SCN9A: variants seen among roughly 807,000 people sequenced by gnomAD.
The protein encoded by SCN9A is sodium channel protein type 9 subunit alpha.
In SCN9A, 131 loss-of-function variants were observed where a neutral mutation model predicts 187.0. That is an observed-to-expected ratio of 0.70 (90% CI 0.61 to 0.81). SCN9A has a LOEUF of 0.81. Ranked by LOEUF, SCN9A falls within the 30% of genes least tolerant of loss-of-function variation. The pLI, the probability that SCN9A is intolerant of heterozygous loss-of-function variation, is 0.00. For missense variants in SCN9A, 2,252 were observed against 2,396.6 expected (o/e 0.94, Z 1.26); for synonymous variants, 809 against 808.6 (o/e 1.00, Z -0.01).
intron 18 of SCN9A, among the ~76,000 whole-genome samples, chr2:166,246,561 GA>G (rs1695798801): frequency 1.3e-5 from 2 of 151,656 alleles, no homozygotes; most frequent in African/African-American, 2.4e-5. Flanking sequence ...CAGAGAGAGC[GA>G]AAAAAATGAG....
At position 166,204,342 on chromosome 2, in the gene SCN9A, A is replaced by G; in HGVS notation, c.4503+18T>C. 6.3e-7 allele frequency: 1 copy of G among 1,580,534 alleles called. No homozygotes were observed. Among genetic ancestry groups the G allele is most frequent in the Non-Finnish European group, 8.7e-7 (1 of 1,154,306 alleles). On this transcript the variant is annotated intron_variant, in intron 25 of 26. Coordinates refer to ENST00000642356, the MANE Select transcript of SCN9A (RefSeq NM_001365536.1). ...TAATTTGAAAATCTATATGCTAAAG[A>G]TATATATATTTTTTTACCCCTGGTC...
intron 1 of SCN9A, among the ~76,000 whole-genome samples, chr2:166,323,837 AT>A (rs923586423): frequency 1.3e-5 from 2 of 152,010 alleles, no homozygotes; most frequent in Admixed American, 6.6e-5. Context: ...TCTCTTAAAA[AT>A]ATCTCCCAGA....
chr2:166,304,558 T>C (rs1698688287), intron 5 of SCN9A, among the ~76,000 whole-genome samples: 1 of 152,148 alleles, frequency 6.6e-6, no homozygotes, highest in Non-Finnish European at 1.5e-5. Flanking sequence ...TACACTTAAA[T>C]GCGTAAACAA....
chr2:166,302,900 G>A, intron 7 of SCN9A, 190 bp downstream of exon 7: 1 of 530,618 alleles, frequency 1.9e-6, no homozygotes, highest in East Asian at 3.3e-5. Context: ...TGCCAGTACT[G>A]CTAGATAGCT....
Position 166,199,484 on chromosome 2 carries a change from T to C in SCN9A, c.5155A>G (p.Lys1719Glu). 6.2e-7 allele frequency: 1 copy of C among 1,614,202 alleles called. No homozygotes were observed. The highest frequency in any genetic ancestry group is 8.5e-7 in the Non-Finnish European group (1 of 1,180,040). The stretch of plus-strand genomic sequence containing the variant: ...TCAACTGAACTTCCAGGATGAACTT[T>C]TTTTGGGTCACAGTCGGGTGGCTTA... Reference protein sequence around the residue: ...NSKPPDCDPKKVHPGSSVEGD... With the variant: ...NSKPPDCDPKEVHPGSSVEGD... The change falls in exon 27 of 27, where the codon AAA (lysine) becomes GAA (glutamate). Residue 1719 changes from lysine to glutamate, a missense_variant. By Grantham distance (56) the Lys-to-Glu change is moderately conservative. Transcript: ENST00000642356.
rs55892140 is a variant in SCN9A at position 166,294,877 on chromosome 2, C to T, written c.902-215G>A. On this transcript the variant is annotated intron_variant, in intron 7 of 26. Coordinates refer to ENST00000642356, the MANE Select transcript of SCN9A (RefSeq NM_001365536.1). ...TAGGCAATAAACATGACAATAAACA[C>T]GATAAATAAAATCATTAGTTTTATG... The T allele has an allele frequency of 5.8e-3, 2,274 of 393,430 alleles. 16 individuals carry two copies. The highest frequency in any genetic ancestry group is 7.5e-3 in the Non-Finnish European group (1,658 of 220,962). The allele number at this position is 393,430 out of a possible 1,614,324, so 24.4% of individuals were successfully genotyped here.
chr2:166,242,939 C>A (rs1420381672), intron 18 of SCN9A, among the ~76,000 whole-genome samples: 1 of 152,066 alleles, frequency 6.6e-6, no homozygotes, highest in African/African-American at 2.4e-5. Context: ...CTTTAAACCA[C>A]TTTCATTTTA....
chr2:166,263,028 G>T (rs1188973609), intron 17 of SCN9A, among the ~76,000 whole-genome samples: 1 of 151,926 alleles, frequency 6.6e-6, no homozygotes, highest in Non-Finnish European at 1.5e-5. Flanking sequence ...CCCTCTTTGG[G>T]CCTTATCGTG....
chr2:166,240,603 T>C (rs1463838111), intron 19 of SCN9A, among the ~76,000 whole-genome samples: 2 of 152,218 alleles, frequency 1.3e-5, no homozygotes, highest in East Asian at 1.9e-4. Flanking sequence ...TTACTAGGAA[T>C]ACATTGCATG....
chr2:166,200,426 T>TAATA (rs1183240346), intron 26 of SCN9A, among the ~76,000 whole-genome samples: 2 of 152,168 alleles, frequency 1.3e-5, no homozygotes, highest in Non-Finnish European at 2.9e-5. Flanking sequence ...TTTCCCTCCA[T>TAATA]AATAGTGTTT....
chr2:166,290,856 G>T (rs185235421), intron 9 of SCN9A, among the ~76,000 whole-genome samples: 87 of 152,156 alleles, frequency 5.7e-4, no homozygotes, highest in Non-Finnish European at 1.1e-3. Context: ...TAGATGCAGA[G>T]AAGGTCTTCA....
chr2:166,268,398 C>T (rs1035253037), intron 17 of SCN9A, among the ~76,000 whole-genome samples: 3 of 151,754 alleles, frequency 2.0e-5, no homozygotes, highest in Admixed American at 6.6e-5. Flanking sequence ...TCATCACAAA[C>T]ACAACCATCA....
chr2:166,275,763 T>C (rs1215403430), intron 16 of SCN9A, among the ~76,000 whole-genome samples: 1 of 152,174 alleles, frequency 6.6e-6, no homozygotes, highest in Non-Finnish European at 1.5e-5. Flanking sequence ...TATAGAATGG[T>C]AATCCAGGAT....
chr2:166,337,464 A>G (rs1699657064), intron 1 of SCN9A, among the ~76,000 whole-genome samples: 1 of 152,180 alleles, frequency 6.6e-6, no homozygotes, highest in Non-Finnish European at 1.5e-5. Context: ...CAGCATATAA[A>G]GAGTATTTTG....
intron 9 of SCN9A, among the ~76,000 whole-genome samples, chr2:166,289,248 A>G (rs1697928906): frequency 6.6e-6 from 1 of 150,704 alleles, no homozygotes; most frequent in South Asian, 2.1e-4. Context: ...CAGGTTTGTT[A>G]CATGGGTAGA....
intron 17 of SCN9A, among the ~76,000 whole-genome samples, chr2:166,263,261 G>T (rs561228597): frequency 6.6e-6 from 1 of 152,034 alleles, no homozygotes; most frequent in East Asian, 1.9e-4. Flanking sequence ...CAATAATTTT[G>T]CATGCCTCAC....
intron 1 of SCN9A, among the ~76,000 whole-genome samples, chr2:166,342,699 G>A (rs6716736): frequency 0.073 from 11,144 of 151,932 alleles, 1,237 homozygotes; most frequent in African/African-American, 0.24. Context: ...TAAAACATAT[G>A]CATTTAAAAA....
chr2:166,304,379 C>A, intron 5 of SCN9A, 50 bp from the exon 6 acceptor site: 1 of 1,486,404 alleles, frequency 6.7e-7, no homozygotes, highest in Non-Finnish European at 9.4e-7. Context: ...GTCTATGATA[C>A]TTACCTGAGC....
In SCN9A at chr2:166,199,585, C is replaced by A. The variant is rs1440106905; in HGVS notation, c.5054G>T (p.Gly1685Val). The A allele has an allele frequency of 6.2e-7, 1 of 1,614,112 alleles. No homozygotes were observed. The highest frequency in any genetic ancestry group is 2.2e-5 in the East Asian group (1 of 44,878). ...INDMFNFETF[G>V]NSMICLFQIT... is the part of the protein sequence containing the mutation. Reference sequence around the variant, plus strand: ...TTGGAACAGGCAAATCATACTGTTGCCAAAGGTCTCAAAATTGAACATGTC... The same window carrying A: ...TTGGAACAGGCAAATCATACTGTTGACAAAGGTCTCAAAATTGAACATGTC... Residue 1685 changes from glycine to valine, a missense_variant, in exon 27 of 27, where the codon GGC (glycine) becomes GTC (valine). Physicochemically the swap from Gly to Val is moderately radical, Grantham distance 109 (BLOSUM62 -3). Around this residue, in one of 7 missense-constraint regions of SCN9A, gnomAD observed 84 missense variants for 134.2 expected, o/e 0.63. Coordinates refer to ENST00000642356, the MANE Select transcript of SCN9A (RefSeq NM_001365536.1).
Sources: allele counts gnomAD v4.1 joint callset (sites outside exome capture counted in the v4.1 genomes callset), GRCh38; gene constraint gnomAD v4.1.1; regional missense constraint gnomAD v4.1.1; transcripts MANE v1.5; gene names NCBI Gene and HGNC (gene_info 2026-07-23, HGNC 2026-07-21).